Variants in ASXL2 observed in about 807,000 individuals in gnomAD.
ASXL2 encodes the protein putative Polycomb group protein ASXL2.
ASXL2 carries 23 observed loss-of-function variants against 122.0 expected under a neutral mutation model. The observed-to-expected ratio is 0.19, with a 90% CI of 0.14 to 0.27. The LOEUF is 0.27. Among genes scored for constraint, ASXL2 ranks in the 10% least tolerant of loss-of-function variants. ASXL2 has a pLI of 1.00. For missense variants in ASXL2, 1,518 were observed against 1,713.8 expected, an observed-to-expected ratio of 0.89 and a Z score of 2.02; for synonymous variants, 650 against 637.0, an observed-to-expected ratio of 1.02 and a Z score of -0.31.
chr2:25,757,277 G>A (rs2088150810), intron 9 of ASXL2, among the ~76,000 whole-genome samples: 1 of 151,904 alleles, frequency 6.6e-6, no homozygotes, highest in Admixed American at 6.6e-5. Flanking sequence ...TAAGGACAAT[G>A]TTACTCAGAT....
chr2:25,818,554 C>T (rs2089268501), intron 3 of ASXL2, among the ~76,000 whole-genome samples: 1 of 152,126 alleles, frequency 6.6e-6, no homozygotes, highest in African/African-American at 2.4e-5. Context: ...AAATGCTGTT[C>T]TTGGAGGAAT....
chr2:25,869,551 G>A (rs1464418564), intron 1 of ASXL2, among the ~76,000 whole-genome samples: 7 of 152,194 alleles, frequency 4.6e-5, no homozygotes, highest in Admixed American at 2.6e-4. Context: ...GCCGGGTGCA[G>A]TGGCTCATGC....
intron 5 of ASXL2, among the ~76,000 whole-genome samples, chr2:25,798,267 C>G (rs1248156552): frequency 6.6e-6 from 1 of 152,010 alleles, no homozygotes; most frequent in Non-Finnish European, 1.5e-5. Context: ...CAACAAACAC[C>G]CATGGCACAA....
At chr2:25,823,068 G>T in intron 3 of ASXL2, 2 of 434,872 alleles carry the variant, frequency 4.6e-6, no homozygotes, top group South Asian at 1.8e-5. Context: ...TGCCTACTTT[G>T]ACCCATTTTT....
At chr2:25,763,975 A>C (rs1425472123) in intron 8 of ASXL2, among the ~76,000 whole-genome samples, 1 of 152,240 alleles carries the variant, frequency 6.6e-6, no homozygotes, top group Non-Finnish European at 1.5e-5. Context: ...TTTGGAAATT[A>C]ACAACAACAA....
In ASXL2 at chr2:25,750,147, T is replaced by C. The variant is rs371477936; in HGVS notation, c.1409A>G (p.Asn470Ser). The C allele has an allele frequency of 7.4e-6, 12 of 1,613,916 alleles. No homozygotes were observed. The highest frequency in any genetic ancestry group is 6.7e-5 in the African/African-American group (5 of 74,932). Reference sequence around the variant, plus strand: ...AAGAATGCTGCTAAGCTCATGTGTATTGAGAGCTGAGGAAAGCAGGGGCTC... The same window carrying C: ...AAGAATGCTGCTAAGCTCATGTGTACTGAGAGCTGAGGAAAGCAGGGGCTC... ...SSEPLLSSAL[N>S]THELSSILPI... Residue 470 changes from asparagine (N) to serine (S), a missense_variant, in exon 12 of 13, where the codon AAT becomes AGT. Transcript: ENST00000435504.
In ASXL2 at chr2:25,743,250, G is replaced by C; in HGVS notation, c.3087C>G (p.Leu1029=). 6.2e-7 allele frequency: 1 copy of C among 1,613,650 alleles called. No homozygotes were observed. The highest frequency in any genetic ancestry group is 8.5e-7 in the Non-Finnish European group (1 of 1,179,696). ...QLGKTLQSKQ[L]PQVPRPLQLF... Reference sequence around the variant, plus strand: ...GCTGAAGGGGCCTTGGAACCTGGGGGAGCTGCTTACTTTGCAAGGTTTTGC... The same window carrying C: ...GCTGAAGGGGCCTTGGAACCTGGGGCAGCTGCTTACTTTGCAAGGTTTTGC... The change falls in exon 13 of 13, where the codon CTC becomes CTG. Residue 1029 remains leucine (L), a synonymous_variant. Transcript: ENST00000435504.
At chr2:25,788,392 G>A (rs2088780802) in intron 5 of ASXL2, among the ~76,000 whole-genome samples, 1 of 152,042 alleles carries the variant, frequency 6.6e-6, no homozygotes, top group South Asian at 2.1e-4. Context: ...GAACATTTAG[G>A]TTATTTTTAT....
chr2:25,743,308 C>G lies in ASXL2; in HGVS notation c.3029G>C (p.Arg1010Thr). 1 of 1,613,942 alleles carries G rather than the reference C, an allele frequency of 6.2e-7. No individual in the cohort carries two copies. The highest frequency in any genetic ancestry group is 8.5e-7 in the Non-Finnish European group (1 of 1,179,866). Residue 1010 changes from arginine (R) to threonine (T), a missense_variant, in exon 13 of 13, where the codon AGA becomes ACA. Transcript: ENST00000435504. ...CTGCTGCGTAGCTGGATGGGACTGTCTCTCATTAACTTCCTCTCTGGTGCT... is the reference window on the plus strand; with the variant it reads ...CTGCTGCGTAGCTGGATGGGACTGTGTCTCATTAACTTCCTCTCTGGTGCT... The part of the protein sequence containing the change: ...ENSTREEVNE[R>T]QSHPATQQQL...
chr2:25,863,051 C>T (rs746470951), intron 1 of ASXL2, among the ~76,000 whole-genome samples: 9 of 152,140 alleles, frequency 5.9e-5, no homozygotes, highest in East Asian at 1.9e-4. Context: ...AGCTCACAGC[C>T]GGGCACAGTG....
chr2:25,856,213 T>C (rs1319728985), intron 1 of ASXL2, among the ~76,000 whole-genome samples: 3 of 151,720 alleles, frequency 2.0e-5, no homozygotes, highest in Non-Finnish European at 2.9e-5. Context: ...TGTACCACCA[T>C]GCCCAGCTAA....
At chr2:25,846,482 T>C (rs2089650771) in intron 1 of ASXL2, among the ~76,000 whole-genome samples, 1 of 152,078 alleles carries the variant, frequency 6.6e-6, no homozygotes, top group African/African-American at 2.4e-5. Context: ...ACCCCATCTC[T>C]ACTGAAAATA....
chr2:25,865,740 ACTC>A (rs985418176), intron 1 of ASXL2, among the ~76,000 whole-genome samples: 1 of 130,936 alleles, frequency 7.6e-6, no homozygotes, highest in African/African-American at 2.9e-5. Flanking sequence ...GCGCCACTGG[ACTC>A]CAGCCTGGGT....
At chr2:25,830,129 A>T (rs1041127786) in intron 3 of ASXL2, among the ~76,000 whole-genome samples, 1 of 152,240 alleles carries the variant, frequency 6.6e-6, no homozygotes, top group Non-Finnish European at 1.5e-5. Flanking sequence ...TCTGAAAATT[A>T]AACTGTTATT....
intron 12 of ASXL2, among the ~76,000 whole-genome samples, chr2:25,745,718 A>T (rs2087931104): frequency 7.4e-6 from 1 of 135,988 alleles, no homozygotes; most frequent in South Asian, 2.3e-4. Context: ...ATCTCAGCTC[A>T]CTGTAACCTC....
At chr2:25,809,145 A>T (rs1157939321) in intron 3 of ASXL2, among the ~76,000 whole-genome samples, 1 of 152,176 alleles carries the variant, frequency 6.6e-6, no homozygotes, top group African/African-American at 2.4e-5. Context: ...CAGTGGCAAA[A>T]CATAATCTTT....
chr2:25,817,196 T>C (rs948615360), intron 3 of ASXL2, among the ~76,000 whole-genome samples: 1 of 152,150 alleles, frequency 6.6e-6, no homozygotes, highest in Non-Finnish European at 1.5e-5. Flanking sequence ...TAGCTGATGA[T>C]GAAATCCAGC....
At chr2:25,850,573 A>G (rs1030260686) in intron 1 of ASXL2, among the ~76,000 whole-genome samples, 1 of 152,214 alleles carries the variant, frequency 6.6e-6, no homozygotes, top group African/African-American at 2.4e-5. Context: ...ACCACACCAC[A>G]TCAGAACACA....
At chr2:25,862,888 G>A (rs1310309980) in intron 1 of ASXL2, among the ~76,000 whole-genome samples, 1 of 151,990 alleles carries the variant, frequency 6.6e-6, no homozygotes, top group Admixed American at 6.6e-5. Flanking sequence ...TTACAGGTGT[G>A]AGCCATCACG....
Sources: allele counts gnomAD v4.1 joint callset (sites outside exome capture counted in the v4.1 genomes callset), GRCh38; gene constraint gnomAD v4.1.1; transcripts MANE v1.5; gene names NCBI Gene and HGNC (gene_info 2026-07-23, HGNC 2026-07-21).